Variants in CDC45 observed in about 807,000 individuals in gnomAD.
The protein encoded by CDC45 is cell division control protein 45 homolog.
In CDC45, 54 loss-of-function variants were observed where a neutral mutation model predicts 77.8. That is an observed-to-expected ratio of 0.69 (90% confidence interval 0.56 to 0.87). CDC45 has a LOEUF of 0.87. Ranked by LOEUF, CDC45 falls within the 40% of genes least tolerant of loss-of-function variation. The pLI is 0.00. For missense variants in CDC45, 649 were observed against 721.6 expected (o/e 0.90, Z 1.15); for synonymous variants, 260 against 272.1 (o/e 0.96, Z 0.44).
chr22:19,518,721 C>G, intron 17 of CDC45, 123 bp from the exon 18 acceptor site: 1 of 754,424 alleles, frequency 1.3e-6, no homozygotes, highest in Non-Finnish European at 2.4e-6. Flanking sequence ...CAGAATACCA[C>G]AGGCCGGGAG....
intron 13 of CDC45, among the ~76,000 whole-genome samples, chr22:19,513,020 G>A (rs971468998): frequency 2.0e-5 from 3 of 152,084 alleles, no homozygotes; most frequent in Admixed American, 1.3e-4. Context: ...TTTAACAACC[G>A]TCACGGGAAC....
rs13447231 is a variant in CDC45, at chr22:19,499,184, G to T, written c.704+33G>T. On this transcript the variant is annotated intron_variant, in intron 9 of 18. Transcript: ENST00000263201. Reference sequence around the variant, plus strand: ...CACACTCCCTTGCCTTGCAGGGTCAGCCCTGTGCTGTGGCCAGGTGCACAG... The same window carrying T: ...CACACTCCCTTGCCTTGCAGGGTCATCCCTGTGCTGTGGCCAGGTGCACAG... The T allele has an allele frequency of 9.8e-4, 1,575 of 1,611,868 alleles. 19 individuals are homozygous for T. In the African/African-American group the frequency reaches 0.019, roughly 19 times the overall value.
chr22:19,482,666 T>A (rs2090001764), intron 3 of CDC45, 24 bp from the exon 4 acceptor site: 1 of 1,610,944 alleles, frequency 6.2e-7, no homozygotes, highest in Admixed American at 1.7e-5. Flanking sequence ...TATAGCTACT[T>A]TACAATATCT....
chr22:19,511,974 GCAGTGGCATGAT>G (rs1933542861), intron 13 of CDC45, among the ~76,000 whole-genome samples: 5 of 139,796 alleles, frequency 3.6e-5, no homozygotes, highest in African/African-American at 1.3e-4. Flanking sequence ...AAGCTGGCAT[GCAGTGGCATGAT>G]TTCCACTCAC....
At chr22:19,509,040 C>T (rs1049581989) in intron 13 of CDC45, among the ~76,000 whole-genome samples, 20 of 151,578 alleles carry the variant, frequency 1.3e-4, no homozygotes, top group African/African-American at 4.9e-4. Context: ...TTTAATTTTC[C>T]AATTCTTTCT....
chr22:19,511,939 GAGACAGGGTCTTACTCTGTCACTTA>G (rs1933539638), intron 13 of CDC45, among the ~76,000 whole-genome samples: 5 of 59,850 alleles, frequency 8.4e-5, no homozygotes, highest in African/African-American at 3.3e-4. Flanking sequence ...TTTTTTTTTT[GAGACAGGGTCTTACTCTGTCACTTA>G]AGCTGGCATG....
At chr22:19,502,103 CAG>C (rs1932921706) in intron 9 of CDC45, among the ~76,000 whole-genome samples, 1 of 152,176 alleles carries the variant, frequency 6.6e-6, no homozygotes, top group African/African-American at 2.4e-5. Flanking sequence ...GCTGACAACT[CAG>C]AAGATTCAGC....
At chr22:19,500,839 G>C (rs2090328299) in intron 9 of CDC45, among the ~76,000 whole-genome samples, 1 of 152,076 alleles carries the variant, frequency 6.6e-6, no homozygotes, top group Admixed American at 6.6e-5. Flanking sequence ...CAGTGTAACA[G>C]GTCTGTTACT....
chr22:19,514,937 C>G, intron 14 of CDC45, 28 bp from the exon 15 acceptor site: 1 of 1,614,256 alleles, frequency 6.2e-7, no homozygotes, highest in Non-Finnish European at 8.5e-7. Context: ...CCAGTGGCTT[C>G]GTCTGACCAT....
chr22:19,517,460 G>A (rs1016082507), intron 17 of CDC45, among the ~76,000 whole-genome samples: 2 of 152,256 alleles, frequency 1.3e-5, no homozygotes, highest in African/African-American at 4.8e-5. Flanking sequence ...ACATTCGGCT[G>A]TGTTGGCGTT....
chr22:19,514,831 C>G lies in CDC45; in HGVS notation c.1300C>G (p.Leu434Val), dbSNP rs1568936335. 1.9e-6 allele frequency: 3 copies of G among 1,614,088 alleles called. No homozygotes were observed. The highest frequency in any genetic ancestry group is 2.5e-6 in the Non-Finnish European group (3 of 1,180,044). The change falls in exon 14 of 19, where the codon CTT becomes GTT. Residue 434 changes from leucine to valine, a missense_variant. Transcript: ENST00000263201. ...CACCCAGCAGACCATTGCCAGCTGC[C>G]TTTGCACCAACCTCGTCATCTCCCA... ...RATQQTIASC[L>V]CTNLVISQGP...
chr22:19,506,166 A>G (rs1226099971), intron 10 of CDC45, among the ~76,000 whole-genome samples: 1 of 152,188 alleles, frequency 6.6e-6, no homozygotes, highest in Non-Finnish European at 1.5e-5. Context: ...AGATAGCATG[A>G]TGTCAGGGAC....
chr22:19,497,455 G>C lies in CDC45; in HGVS notation c.653+8G>C. 2 of 1,612,906 alleles carry C rather than the reference G, an allele frequency of 1.2e-6. No homozygotes were observed. The highest frequency in any genetic ancestry group is 1.7e-6 in the Non-Finnish European group (2 of 1,178,956). On this transcript the variant is annotated splice_region_variant and intron_variant, in intron 8 of 18. Coordinates refer to ENST00000263201, the MANE Select transcript of CDC45 (RefSeq NM_003504.5). ...CCTGAATGACATGCTGTGGTACGTA[G>C]CCCCTGCGGCAGCTGTGTGGGAGTA...
At chr22:19,480,127 C>G in intron 1 of CDC45, 31 bp from the exon 2 acceptor site, 1 of 1,613,694 alleles carries the variant, frequency 6.2e-7, no homozygotes, top group South Asian at 1.1e-5. Context: ...TTCGGGTCGC[C>G]GTGTTCAGCC....
At chr22:19,493,277 C>T (rs2146363268) in intron 5 of CDC45, among the ~76,000 whole-genome samples, 1 of 94,406 alleles carries the variant, frequency 1.1e-5, no homozygotes, top group East Asian at 2.8e-4. Context: ...GTTGTCTGCA[C>T]CTGTTGGTAT....
At chr22:19,479,800 G>T (rs2089942543), upstream of CDC45, 2 of 706,144 alleles carry the variant, frequency 2.8e-6, no homozygotes, top group Admixed American at 4.7e-5. Flanking sequence ...GAGCGCTAAT[G>T]GCCGCCTCCA....
At chr22:19,490,178 A>G (rs2090132620) in intron 5 of CDC45, among the ~76,000 whole-genome samples, 1 of 152,094 alleles carries the variant, frequency 6.6e-6, no homozygotes, top group African/African-American at 2.4e-5. Context: ...TTTGTAGTGA[A>G]TTTTTTAAAA....
chr22:19,504,609 C>T (rs1320181793), intron 9 of CDC45, among the ~76,000 whole-genome samples: 2 of 151,830 alleles, frequency 1.3e-5, no homozygotes, highest in East Asian at 3.9e-4. Flanking sequence ...TGGGCTGGGG[C>T]TTTTAAGGGG....
At chr22:19,482,970 CTTT>C (rs764932252) in intron 4 of CDC45, 143 bp downstream of exon 4, 741 of 521,604 alleles carry the variant, frequency 1.4e-3, no homozygotes, top group Middle Eastern at 1.8e-3. Context: ...TCTTTGTCAT[CTTT>C]TTTTTTTTTT....
Sources: allele counts gnomAD v4.1 joint callset (sites outside exome capture counted in the v4.1 genomes callset), GRCh38; gene constraint gnomAD v4.1.1; transcripts MANE v1.5; gene names NCBI Gene and HGNC (gene_info 2026-07-23, HGNC 2026-07-21).